GRID1: variants seen among roughly 807,000 people sequenced by gnomAD.
The protein encoded by GRID1 is glutamate receptor ionotropic, delta-1.
A neutral mutation model predicts 98.0 loss-of-function variants in GRID1; 28 were observed. The ratio of observed to expected loss-of-function variants is 0.29; its 90% CI spans 0.21 to 0.39. GRID1 has a LOEUF of 0.39. Ranked by LOEUF, GRID1 falls within the 10% of genes least tolerant of loss-of-function variation. The pLI is 1.00. For synonymous variants in GRID1, 553 were observed against 538.5 expected (o/e 1.03, Z -0.37); for missense variants, 1,111 against 1,340.5 (o/e 0.83, Z 2.67).
At chr10:86,226,761 G>A (rs1846357300) in intron 2 of GRID1, among the ~76,000 whole-genome samples, 1 of 150,278 alleles carries the variant, frequency 6.7e-6, no homozygotes, top group Admixed American at 6.6e-5. Flanking sequence ...TCCAGAAGCA[G>A]CAGTCCCAGC....
chr10:85,786,502 G>C (rs924314002), intron 8 of GRID1, among the ~76,000 whole-genome samples: 2 of 152,176 alleles, frequency 1.3e-5, no homozygotes, highest in Non-Finnish European at 2.9e-5. Context: ...GGGCAGCAGG[G>C]TGCCTCAGGA....
At chr10:86,328,561 C>T (rs1380188552) in intron 2 of GRID1, among the ~76,000 whole-genome samples, 1 of 152,202 alleles carries the variant, frequency 6.6e-6, no homozygotes, top group Non-Finnish European at 1.5e-5. Flanking sequence ...CTTTCATGGG[C>T]TTTTCCGCAT....
At position 86,195,730 on chromosome 10, in the gene GRID1, C is replaced by T. The variant is rs117671140; in HGVS notation, c.520+10634G>A. On this transcript the variant is annotated intron_variant, in intron 3 of 15. Coordinates refer to ENST00000327946, the MANE Select transcript of GRID1 (RefSeq NM_017551.3). The surrounding 1 kb of genome is among the most constrained non-coding windows in gnomAD (Gnocchi z 4.4). ...GGGCTGAGAGGAGACATAATGTTAC[C>T]CACATGGCTGTGTCTGGGCGTGACC... 0.01 allele frequency among the ~76,000 whole-genome samples: 1,551 copies of T among 152,178 alleles called. 23 individuals are homozygous for T. The highest frequency in any genetic ancestry group is 0.031 in the Middle Eastern group (9 of 294).
At chr10:85,625,605 A>G (rs578225625) in intron 13 of GRID1, among the ~76,000 whole-genome samples, 1 of 152,290 alleles carries the variant, frequency 6.6e-6, no homozygotes, top group East Asian at 1.9e-4. Flanking sequence ...GAGACCACCC[A>G]GCCTTGTCCC....
chr10:85,901,278 C>T (rs1841383225), intron 5 of GRID1, among the ~76,000 whole-genome samples: 1 of 149,828 alleles, frequency 6.7e-6, no homozygotes, highest in African/African-American at 2.5e-5. Context: ...CAGAGTCTCG[C>T]TCTGTCGCCC....
At chr10:85,723,188 C>A in intron 11 of GRID1, 47 bp from the exon 12 acceptor site, 1 of 1,556,572 alleles carries the variant, frequency 6.4e-7, no homozygotes, top group South Asian at 1.2e-5. Flanking sequence ...TCTGCTCTCC[C>A]TCCTATCCCC....
At chr10:85,947,158 C>G (rs187815206) in intron 4 of GRID1, among the ~76,000 whole-genome samples, 8 of 152,300 alleles carry the variant, frequency 5.3e-5, no homozygotes, top group Admixed American at 5.2e-4. Flanking sequence ...TGCCCCCACA[C>G]AGAAGGGGAA....
intron 2 of GRID1, among the ~76,000 whole-genome samples, chr10:86,218,773 A>G (rs1229680108): frequency 3.3e-5 from 5 of 152,158 alleles, no homozygotes; most frequent in Non-Finnish European, 7.4e-5. Context: ...TCTGCTTTAT[A>G]TGTGATTGCA....
intron 4 of GRID1, among the ~76,000 whole-genome samples, chr10:85,933,322 G>C (rs1427541841): frequency 6.9e-6 from 1 of 145,590 alleles, no homozygotes; most frequent in Admixed American, 6.9e-5. Context: ...ACTTATTTTA[G>C]ATTCAGGGGT....
chr10:86,237,135 G>A (rs1846551801), intron 2 of GRID1, among the ~76,000 whole-genome samples: 1 of 152,154 alleles, frequency 6.6e-6, no homozygotes, highest in Non-Finnish European at 1.5e-5. Flanking sequence ...CTACGCTCCT[G>A]GGAGGAGGTG....
chr10:86,178,171 C>T (rs74149100), intron 3 of GRID1, among the ~76,000 whole-genome samples: 3,222 of 152,310 alleles, frequency 0.021, 123 homozygotes, highest in African/African-American at 0.073. Context: ...GAGCAGTTCT[C>T]CTAGTGGCCA....
At chr10:86,315,199 A>T (rs1847881846) in intron 2 of GRID1, among the ~76,000 whole-genome samples, 1 of 152,142 alleles carries the variant, frequency 6.6e-6, no homozygotes. Context: ...TGATGAAAGC[A>T]CTTAGCACAT....
intron 4 of GRID1, among the ~76,000 whole-genome samples, chr10:86,084,140 A>G (rs536387459): frequency 1.3e-5 from 2 of 152,296 alleles, no homozygotes; most frequent in Admixed American, 1.3e-4. Context: ...GTGACGGGGT[A>G]GTAGGTACAC....
chr10:86,315,059 G>A (rs1354050547), intron 2 of GRID1, among the ~76,000 whole-genome samples: 1 of 152,048 alleles, frequency 6.6e-6, no homozygotes, highest in Non-Finnish European at 1.5e-5. Flanking sequence ...CCAGTTCAGA[G>A]CCGCCCTGCT....
At position 85,643,918 on chromosome 10, in the gene GRID1, T is replaced by G. The variant is rs1378672869; in HGVS notation, c.2193+3284A>C. ...TTTGCTACTGATTTTTTAACATTGTTGTATTCATGAGTAAGACTAAATATC... is the reference window on the plus strand; with the variant it reads ...TTTGCTACTGATTTTTTAACATTGTGGTATTCATGAGTAAGACTAAATATC... On this transcript the variant is annotated intron_variant, in intron 13 of 15. Coordinates refer to ENST00000327946, the MANE Select transcript of GRID1 (RefSeq NM_017551.3). 2.0e-5 allele frequency among the ~76,000 whole-genome samples: 3 copies of G among 152,224 alleles called. 1 individual carries two copies.
chr10:86,352,851 C>A (rs1302597137), intron 2 of GRID1, among the ~76,000 whole-genome samples: 1 of 152,138 alleles, frequency 6.6e-6, no homozygotes, highest in Non-Finnish European at 1.5e-5. Context: ...CTGGGGTGGG[C>A]AGGCAGACTG....
chr10:85,856,657 T>G lies in GRID1; in HGVS notation c.952-467A>C, dbSNP rs558663890. Among the ~76,000 whole-genome samples, 3 of 152,338 alleles carry G rather than the reference T, an allele frequency of 2.0e-5. No individual in the cohort carries two copies. The South Asian group carries it at 6.2e-4, about 32-fold the overall frequency. On this transcript the variant is annotated intron_variant, in intron 6 of 15. Transcript: ENST00000327946. ...GTAAAGGACCAGCTCATAAAGATTT[T>G]GGGCTTAGTAGTCTCTTTTGCAACT... is the stretch of plus-strand genomic sequence containing the variant.
chr10:85,972,882 T>A (rs1489539142), intron 4 of GRID1, among the ~76,000 whole-genome samples: 1 of 152,242 alleles, frequency 6.6e-6, no homozygotes, highest in Non-Finnish European at 1.5e-5. Context: ...TCACCAGTTT[T>A]ATCACAACCT....
intron 2 of GRID1, among the ~76,000 whole-genome samples, chr10:86,244,629 G>A (rs1364556864): frequency 3.3e-5 from 5 of 152,208 alleles, no homozygotes; most frequent in East Asian, 1.9e-4. Context: ...TGGCTCCAGC[G>A]GCGAACACAA....
Sources: gnomAD v4.1 joint callset for allele counts (sites outside exome capture counted in the v4.1 genomes callset) on GRCh38, gnomAD v4.1.1 for gene constraint, Gnocchi (gnomAD v3.1) non-coding constraint, MANE v1.5 for transcripts, NCBI Gene and HGNC (gene_info 2026-07-23, HGNC 2026-07-21) for gene names.